The following SLC35A3 variants were observed in gnomAD, a reference collection of about 807,000 sequenced individuals.
SLC35A3 encodes solute carrier family 35 member A3, also known as UDP-N-acetylglucosamine transporter.
A neutral mutation model predicts 39.0 loss-of-function variants in SLC35A3; 26 were observed. That is an observed-to-expected ratio of 0.67 (90% CI 0.49 to 0.92). The LOEUF is 0.92. SLC35A3 is among the 40% of genes least tolerant of loss of function. The probability of loss-of-function intolerance (pLI) is 0.00; values close to 1 mark genes in which losing one functional copy is unlikely to be tolerated. For synonymous variants in SLC35A3, 135 were observed against 133.1 expected (o/e 1.01, Z -0.10); for missense variants, 299 against 371.6 (o/e 0.80, Z 1.61).
chr1:99,999,432 T>C lies in SLC35A3; in HGVS notation c.342+17T>C. ...ACTTATCAGGTACTTAAAATACATT[T>C]CTTTCTTTTTTAAAAAAACTTTTTT... On this transcript the variant is annotated intron_variant, in intron 3 of 7. Transcript: ENST00000533028. The C allele has an allele frequency of 3.2e-6, 5 of 1,553,082 alleles. No individual in the cohort carries two copies. The highest frequency in any genetic ancestry group is 4.3e-6 in the Non-Finnish European group (5 of 1,154,978).
At chr1:100,014,170 A>AT (rs1255252902) in intron 5 of SLC35A3, among the ~76,000 whole-genome samples, 2 of 152,176 alleles carry the variant, frequency 1.3e-5, no homozygotes, top group African/African-American at 4.8e-5. Context: ...CTTAGCTGTG[A>AT]TTTTTTGGAT....
intron 2 of SLC35A3, among the ~76,000 whole-genome samples, chr1:99,994,325 A>C (rs539588453): frequency 1.4e-4 from 21 of 152,186 alleles, no homozygotes; most frequent in African/African-American, 4.8e-4. Context: ...CAACAGTGTA[A>C]ATTTTTAAAT....
intron 3 of SLC35A3, among the ~76,000 whole-genome samples, chr1:99,999,734 T>TC (rs1328903462): frequency 6.6e-6 from 1 of 151,862 alleles, no homozygotes; most frequent in African/African-American, 2.4e-5. Flanking sequence ...TCTTTATTCC[T>TC]CCCCCTGCCC....
chr1:99,989,008 G>C (rs1265279914), intron 1 of SLC35A3, among the ~76,000 whole-genome samples: 1 of 152,058 alleles, frequency 6.6e-6, no homozygotes, highest in East Asian at 1.9e-4. Flanking sequence ...TGATCCTCCA[G>C]CCTCAGCCTC....
chr1:99,973,712 G>T (rs1656943991), intron 1 of SLC35A3, among the ~76,000 whole-genome samples: 2 of 152,148 alleles, frequency 1.3e-5, no homozygotes, highest in Non-Finnish European at 2.9e-5. Flanking sequence ...GTGGAAATTA[G>T]AATTACGATG....
At chr1:99,992,185 G>T (rs1339465795) in intron 1 of SLC35A3, among the ~76,000 whole-genome samples, 1 of 151,998 alleles carries the variant, frequency 6.6e-6, no homozygotes, top group Non-Finnish European at 1.5e-5. Context: ...AATTATGACT[G>T]CATTTACCTG....
chr1:99,975,712 T>C (rs1657069599), intron 1 of SLC35A3, among the ~76,000 whole-genome samples: 1 of 152,068 alleles, frequency 6.6e-6, no homozygotes, highest in Non-Finnish European at 1.5e-5. Context: ...ATGAGGGCTG[T>C]TTTATGTGAA....
chr1:99,995,760 A>T (rs533317784), intron 2 of SLC35A3, among the ~76,000 whole-genome samples: 17 of 152,324 alleles, frequency 1.1e-4, no homozygotes, highest in Non-Finnish European at 2.2e-4. Flanking sequence ...AAAGTTGAGG[A>T]TTGAATGAGA....
At chr1:99,999,684 C>G (rs1658633481) in intron 3 of SLC35A3, among the ~76,000 whole-genome samples, 1 of 151,766 alleles carries the variant, frequency 6.6e-6, no homozygotes, top group African/African-American at 2.4e-5. Context: ...GAACTTATTC[C>G]TTCTCTCTAA....
chr1:100,021,237 A>T (rs1006661719), intron 7 of SLC35A3, among the ~76,000 whole-genome samples: 1 of 152,056 alleles, frequency 6.6e-6, no homozygotes, highest in Non-Finnish European at 1.5e-5. Flanking sequence ...GGTGGTGCAC[A>T]CTGGTAATCC....
chr1:100,007,037 A>G lies in SLC35A3; in HGVS notation c.346A>G (p.Thr116Ala). Residue 116 changes from threonine (T) to alanine (A), a missense_variant, in exon 4 of 8, where the codon ACG becomes GCG. Thr to Ala is a moderately conservative substitution (Grantham distance 58). Transcript: ENST00000533028. ...ATATTACTGTTTTCTTTTTCAGGTC[A>G]CGTATCAGTTAAAAATTCTTACAAC... ...SNLDAATYQV[T>A]YQLKILTTAL... is the part of the protein sequence containing the mutation. 1 of 1,604,636 alleles carries G rather than the reference A, an allele frequency of 6.2e-7. No homozygotes were observed. The highest frequency in any genetic ancestry group is 1.1e-5 in the South Asian group (1 of 88,476).
intron 1 of SLC35A3, chr1:99,974,884 C>T (rs1657023045): frequency 6.6e-6 from 1 of 152,080 alleles, no homozygotes; most frequent in Non-Finnish European, 1.5e-5. Flanking sequence ...TTACTTCTCT[C>T]ATGAAGTACA....
rs1557853327 is a variant in SLC35A3 at position 100,026,325 on chromosome 1, T to G, written c.*3849T>G. The stretch of plus-strand genomic sequence containing the variant: ...ATAAAAAAGGTTTATAAAAGTTATT[T>G]ATGCTATATTGAAAGTCATCTTAAG... On this transcript the variant is annotated 3_prime_UTR_variant, in exon 8 of 8. Coordinates refer to ENST00000533028, the MANE Select transcript of SLC35A3 (RefSeq NM_012243.3). The G allele has an allele frequency of 6.6e-6, 1 of 152,138 alleles. No individual in the cohort carries two copies. The highest frequency in any genetic ancestry group is 1.5e-5 in the Non-Finnish European group (1 of 68,010). The allele number at this position is 152,138 out of a possible 1,614,324, so 9.4% of individuals were successfully genotyped here.
At position 100,032,922 on chromosome 1, in the gene SLC35A3, CCTTAT is replaced by C. The variant is rs1403979220; in HGVS notation, c.*10447_*10451del. 2 of 152,130 alleles carry C rather than the reference CCTTAT, an allele frequency of 1.3e-5. No individual in the cohort carries two copies. Among genetic ancestry groups the C allele is most frequent in the African/African-American group, 4.8e-5 (2 of 41,436 alleles). 9.4% of individuals were successfully genotyped at this position (152,130 alleles called of 1,614,324 possible). A position where few individuals can be genotyped will look rare whatever the true frequency, so the allele number is the denominator to read the frequency against. ...TTAGGCACAAGAAATCTGAGGCTTA[CCTTAT>C]ATTTGTCTTGTTCCAAATTTGGATT... On this transcript the variant is annotated 3_prime_UTR_variant, in exon 8 of 8. Transcript: ENST00000533028.
intron 1 of SLC35A3, among the ~76,000 whole-genome samples, chr1:99,973,315 TTTA>T (rs1197575605): frequency 6.6e-6 from 1 of 152,224 alleles, no homozygotes; most frequent in Admixed American, 6.5e-5. Context: ...TGAGTATTAA[TTTA>T]TTATTAAATA....
chr1:99,992,164 T>C (rs1658129378), intron 1 of SLC35A3, among the ~76,000 whole-genome samples: 1 of 152,280 alleles, frequency 6.6e-6, no homozygotes, highest in African/African-American at 2.4e-5. Context: ...AAAGGTAGGG[T>C]AAAAATCTTT....
chr1:99,989,531 A>G (rs961518604), intron 1 of SLC35A3, among the ~76,000 whole-genome samples: 35 of 151,762 alleles, frequency 2.3e-4, no homozygotes, highest in Non-Finnish European at 3.4e-4. Flanking sequence ...TGATCCACCC[A>G]CCTCGGCCTC....
intron 7 of SLC35A3, among the ~76,000 whole-genome samples, chr1:100,019,841 A>C (rs965177322): frequency 6.6e-6 from 1 of 152,148 alleles, no homozygotes; most frequent in Admixed American, 6.6e-5. Context: ...AGACATCTCT[A>C]CTGATACAAT....
chr1:100,007,818 ATGAT>A (rs1241228295), intron 4 of SLC35A3: 1 of 151,410 alleles, frequency 6.6e-6, no homozygotes, highest in Non-Finnish European at 1.5e-5. Flanking sequence ...ATTATTTATT[ATGAT>A]TATTATTATT....
Sources: gnomAD v4.1 joint callset for allele counts (sites outside exome capture counted in the v4.1 genomes callset) on GRCh38, gnomAD v4.1.1 for gene constraint, MANE v1.5 for transcripts, NCBI Gene and HGNC (gene_info 2026-07-23, HGNC 2026-07-21) for gene names.